Variants in NPAS3 observed in about 807,000 individuals in gnomAD.
NPAS3 encodes the protein neuronal PAS domain-containing protein 3.
Under a neutral mutation model 73.1 loss-of-function variants are expected in NPAS3, and 14 were observed. The ratio of observed to expected loss-of-function variants is 0.19; its 90% confidence interval spans 0.13 to 0.30. NPAS3 has a LOEUF of 0.30. Ranked by LOEUF, NPAS3 falls within the 10% of genes least tolerant of loss-of-function variation. The pLI is 1.00. For missense variants in NPAS3, 1,096 were observed against 1,250.0 expected, an observed-to-expected ratio of 0.88 and a Z score of 1.86; for synonymous variants, 620 against 541.5, an observed-to-expected ratio of 1.14 and a Z score of -2.01.
At chr14:32,971,861 G>A (rs1361358553) in intron 1 of NPAS3, among the ~76,000 whole-genome samples, 2 of 151,256 alleles carry the variant, frequency 1.3e-5, no homozygotes, top group Admixed American at 6.6e-5. Flanking sequence ...CTGGTAAACA[G>A]CATTTATTAA....
At chr14:33,492,695 C>T (rs2051962479) in intron 4 of NPAS3, among the ~76,000 whole-genome samples, 1 of 152,194 alleles carries the variant, frequency 6.6e-6, no homozygotes, top group South Asian at 2.1e-4. Flanking sequence ...TTCCCATCCA[C>T]AGCGATGTGT....
chr14:33,363,694 T>C (rs1355973710), intron 3 of NPAS3, among the ~76,000 whole-genome samples: 1 of 152,224 alleles, frequency 6.6e-6, no homozygotes, highest in Non-Finnish European at 1.5e-5. Context: ...TTATTAAGTT[T>C]TGCAACACTA....
intron 3 of NPAS3, among the ~76,000 whole-genome samples, chr14:33,231,727 C>G (rs2047857412): frequency 6.6e-6 from 1 of 152,134 alleles, no homozygotes; most frequent in African/African-American, 2.4e-5. Flanking sequence ...GTAGAACTCT[C>G]TTTTAATTAT....
Position 33,556,153 on chromosome 14 carries a change from T to G in NPAS3, c.469-3968T>G, listed in dbSNP as rs57241226. 2.6e-5 allele frequency among the ~76,000 whole-genome samples: 4 copies of G among 152,150 alleles called. No individual in the cohort carries two copies. In the East Asian group the frequency reaches 5.8e-4, roughly 22 times the overall value. On this transcript the variant is annotated intron_variant, in intron 4 of 11. Coordinates refer to ENST00000356141, the Ensembl canonical transcript of NPAS3. ...TCAGATGTTTAGCCTCCAGATATTC[T>G]TTTACCCTGCTATGGTGCCCAAACC...
At chr14:33,409,899 C>A (rs1361345095) in intron 4 of NPAS3, among the ~76,000 whole-genome samples, 3 of 152,084 alleles carry the variant, frequency 2.0e-5, no homozygotes, top group Non-Finnish European at 4.4e-5. Context: ...TGGTTGGAGA[C>A]ATTGCTAAAA....
In NPAS3 at chr14:33,291,659, C is replaced by G. The variant is rs188458211; in HGVS notation, c.386-75527C>G. ...TTATATTTTTGAGGTATTCCACTTT[C>G]TGTTCAGGTACAAGCTGTCAATCAA... is the stretch of plus-strand genomic sequence containing the variant. On this transcript the variant is annotated intron_variant, in intron 3 of 11. Transcript: ENST00000356141. Among the ~76,000 whole-genome samples, 5 of 152,326 alleles carry G rather than the reference C, an allele frequency of 3.3e-5. No homozygotes were observed. The East Asian group carries it at 9.6e-4, about 29-fold the overall frequency.
chr14:33,472,857 GATTAT>G (rs1247937243), intron 4 of NPAS3, among the ~76,000 whole-genome samples: 1 of 150,732 alleles, frequency 6.6e-6, no homozygotes, highest in Non-Finnish European at 1.5e-5. Context: ...TTATTGATAT[GATTAT>G]ATTATTTTAC....
chr14:33,182,041 G>A (rs926990285), intron 2 of NPAS3, among the ~76,000 whole-genome samples: 1 of 152,022 alleles, frequency 6.6e-6, no homozygotes, highest in Non-Finnish European at 1.5e-5. Context: ...ATTATTTAAT[G>A]ACAGGATCTT....
chr14:33,790,953 A>C lies in NPAS3; in HGVS notation c.1154-2944A>C, dbSNP rs527262074. On this transcript the variant is annotated intron_variant, in intron 9 of 11. Coordinates refer to ENST00000356141, the Ensembl canonical transcript of NPAS3. Reference sequence around the variant, plus strand: ...CAAACATTATGATTTCTTTTACAAGATCTGTTGCAAACCAAAAGCAACTTG... The same window carrying C: ...CAAACATTATGATTTCTTTTACAAGCTCTGTTGCAAACCAAAAGCAACTTG... Among the ~76,000 whole-genome samples, 5 of 152,326 alleles carry C rather than the reference A, an allele frequency of 3.3e-5. No homozygotes were observed. In the South Asian group the frequency reaches 1.0e-3, roughly 32 times the overall value.
chr14:33,792,331 A>C (rs1380204721), intron 9 of NPAS3, among the ~76,000 whole-genome samples: 7 of 152,162 alleles, frequency 4.6e-5, no homozygotes, highest in Non-Finnish European at 1.0e-4. Flanking sequence ...CACTCATCAA[A>C]GTGAGGCTTT....
At chr14:33,750,766 A>T (rs2140758781) in intron 7 of NPAS3, among the ~76,000 whole-genome samples, 1 of 152,328 alleles carries the variant, frequency 6.6e-6, no homozygotes, top group Admixed American at 6.5e-5. Context: ...GATAAAACAG[A>T]GTCCTTGATC....
chr14:33,059,459 G>T (rs1959176), intron 2 of NPAS3, among the ~76,000 whole-genome samples: 44,442 of 151,960 alleles, frequency 0.29, 8,133 homozygotes, highest in African/African-American at 0.51. Context: ...GTAAGATCAG[G>T]TTCTTTGGTA....
At chr14:33,772,329 C>T (rs1013663483) in intron 7 of NPAS3, among the ~76,000 whole-genome samples, 5 of 152,112 alleles carry the variant, frequency 3.3e-5, no homozygotes, top group African/African-American at 7.2e-5. Context: ...CTTTGACCCC[C>T]TTCAATAGAC....
At chr14:33,663,031 A>T (rs1051530066) in intron 5 of NPAS3, among the ~76,000 whole-genome samples, 26 of 151,974 alleles carry the variant, frequency 1.7e-4, no homozygotes, top group Admixed American at 9.8e-4. Context: ...CAAACAGACA[A>T]TATGACTTCC....
intron 3 of NPAS3, among the ~76,000 whole-genome samples, chr14:33,307,082 C>T (rs1379240567): frequency 6.6e-6 from 1 of 152,108 alleles, no homozygotes; most frequent in African/African-American, 2.4e-5. Flanking sequence ...GGTGTAACTC[C>T]GTTTGGTGGC....
chr14:33,383,024 C>G (rs2046622755), intron 4 of NPAS3, among the ~76,000 whole-genome samples: 2 of 143,538 alleles, frequency 1.4e-5, no homozygotes, highest in African/African-American at 5.3e-5. Context: ...GAGGTTGAGG[C>G]TGTAGTGAGC....
chr14:33,020,202 C>T (rs1401750629), intron 1 of NPAS3, among the ~76,000 whole-genome samples: 1 of 152,054 alleles, frequency 6.6e-6, no homozygotes, highest in Non-Finnish European at 1.5e-5. Flanking sequence ...TTCTGAAGAA[C>T]AAAGAAATCA....
Position 33,799,942 on chromosome 14 carries a change from C to T in NPAS3, c.1635C>T (p.Asp545=), listed in dbSNP as rs377450822. ...TTGAGAACCCCAAGGCGGGCGAGGA[C>T]GGCTTCGGTGCTCTGGGCGCGATGC... Residue 545 remains aspartate (D), a synonymous_variant, in exon 12 of 12, where the codon GAC becomes GAT. Coordinates refer to ENST00000356141, the Ensembl canonical transcript of NPAS3. 1.2e-5 allele frequency: 20 copies of T among 1,614,088 alleles called. No individual in the cohort carries two copies. In the African/African-American group the frequency reaches 1.7e-4, roughly 14 times the overall value.
At chr14:33,791,214 T>A (rs1265446511) in intron 9 of NPAS3, among the ~76,000 whole-genome samples, 2 of 152,174 alleles carry the variant, frequency 1.3e-5, no homozygotes, top group African/African-American at 2.4e-5. Context: ...CTTTGTGGTA[T>A]TCACCACAGG....
Sources: allele counts gnomAD v4.1 joint callset (sites outside exome capture counted in the v4.1 genomes callset), GRCh38; gene constraint gnomAD v4.1.1; transcripts MANE v1.5; gene names NCBI Gene and HGNC (gene_info 2026-07-23, HGNC 2026-07-21).